CD33: variants seen among roughly 807,000 people sequenced by gnomAD.
The protein encoded by CD33 is CD33 molecule, also known as myeloid cell surface antigen CD33.
CD33 carries 25 observed loss-of-function variants against 31.4 expected under a neutral mutation model. The observed-to-expected ratio is 0.80, with a 90% CI of 0.58 to 1.11. The LOEUF (loss-of-function observed/expected upper bound fraction) is 1.11. Ranked by LOEUF, CD33 falls within the 50% of genes most tolerant of loss-of-function variation. The probability of loss-of-function intolerance (pLI) is 0.00; values close to 1 mark genes in which losing one functional copy is unlikely to be tolerated. For synonymous variants in CD33, 176 were observed against 180.6 expected (o/e 0.97, Z 0.20); for missense variants, 407 against 448.1 (o/e 0.91, Z 0.83).
intron 4 of CD33, among the ~76,000 whole-genome samples, chr19:51,230,789 G>A (rs1362604421): frequency 3.3e-5 from 5 of 152,144 alleles, no homozygotes; most frequent in Non-Finnish European, 7.3e-5. Flanking sequence ...ATATAGCTGT[G>A]TTGGTAGAAG....
chr19:51,212,076 T>G, the CD33 span: 1 of 734,594 alleles, frequency 1.4e-6, no homozygotes, highest in African/African-American at 1.8e-5. Flanking sequence ...CTCCTGTGAG[T>G]GCTGGGCCAG....
At chr19:51,227,836 A>AT (rs1302004637) in intron 4 of CD33, among the ~76,000 whole-genome samples, 5 of 152,040 alleles carry the variant, frequency 3.3e-5, no homozygotes, top group Admixed American at 3.3e-4. Flanking sequence ...TTTTTCTAGT[A>AT]TTTTTTAAAT....
chr19:51,224,727 G>A (rs571790686), upstream of CD33, among the ~76,000 whole-genome samples: 2 of 152,184 alleles, frequency 1.3e-5, no homozygotes, highest in South Asian at 2.1e-4. Flanking sequence ...GTGAGGCTGC[G>A]ACTCGGGCCA....
At chr19:51,211,967 G>T in the CD33 span, 1 of 1,235,718 alleles carries the variant, frequency 8.1e-7, no homozygotes, top group Non-Finnish European at 1.2e-6. Context: ...CAGTGCTCAC[G>T]ATCATCCCAT....
intron 4 of CD33, among the ~76,000 whole-genome samples, chr19:51,233,689 A>T (rs535343209): frequency 1.3e-5 from 2 of 152,322 alleles, no homozygotes; most frequent in South Asian, 2.1e-4. Flanking sequence ...GGACTGTAAG[A>T]TTAACCTGTA....
the CD33 span, among the ~76,000 whole-genome samples, chr19:51,218,512 C>T: frequency 6.6e-6 from 1 of 152,130 alleles, no homozygotes; most frequent in Non-Finnish European, 1.5e-5. Flanking sequence ...TTATGCTATG[C>T]AGAAGCTTTT....
intron 4 of CD33, among the ~76,000 whole-genome samples, chr19:51,231,915 C>T (rs569509380): frequency 1.1e-4 from 17 of 152,200 alleles, no homozygotes; most frequent in Middle Eastern, 3.4e-3. Flanking sequence ...TGTGCCACCA[C>T]GCCCAGCTAA....
intron 4 of CD33, among the ~76,000 whole-genome samples, chr19:51,232,044 G>A (rs1347411774): frequency 1.3e-5 from 2 of 152,162 alleles, no homozygotes; most frequent in Non-Finnish European, 2.9e-5. Flanking sequence ...TTATAGGCAT[G>A]AGCCACACTG....
intron 4 of CD33, among the ~76,000 whole-genome samples, chr19:51,230,329 G>A (rs1025588799): frequency 3.3e-5 from 5 of 151,962 alleles, no homozygotes; most frequent in Non-Finnish European, 7.4e-5. Context: ...GAAACCATGT[G>A]TATTCTGCAG....
chr19:51,223,630 A>C (rs1329623250), upstream of CD33, among the ~76,000 whole-genome samples: 1 of 152,194 alleles, frequency 6.6e-6, no homozygotes, highest in Non-Finnish European at 1.5e-5. Flanking sequence ...TGAGCCTCTA[A>C]AAAAACTTGC....
At position 51,225,890 on chromosome 19, in the gene CD33, G is replaced by A; in HGVS notation, c.506G>A (p.Cys169Tyr). The A allele has an allele frequency of 1.2e-6, 2 of 1,614,038 alleles. No individual in the cohort carries two copies. Among genetic ancestry groups the A allele is most frequent in the South Asian group, 1.1e-5 (1 of 91,076 alleles). The change falls in exon 3 of 7, where the codon TGT becomes TAT. Residue 169 changes from cysteine (C) to tyrosine (Y), a missense_variant. Coordinates refer to ENST00000262262, the MANE Select transcript of CD33 (RefSeq NM_001772.4). ...CTGACCTGCTCTGTGTCCTGGGCCT[G>A]TGAGCAGGGAACACCCCCGATCTTC... The part of the protein sequence containing the change: ...KNLTCSVSWA[C>Y]EQGTPPIFSW...
At chr19:51,214,361 C>T in the CD33 span, among the ~76,000 whole-genome samples, 719 of 151,696 alleles carry the variant, frequency 4.7e-3, 3 homozygotes, top group African/African-American at 0.015. Context: ...GCATGCCCAG[C>T]TATTTTTTGT....
chr19:51,222,543 A>G (rs1387688005), upstream of CD33, among the ~76,000 whole-genome samples: 1 of 152,232 alleles, frequency 6.6e-6, no homozygotes, highest in Non-Finnish European at 1.5e-5. Flanking sequence ...ACAATATCAC[A>G]TTTTGAAATA....
At chr19:51,212,251 C>T in the CD33 span, among the ~76,000 whole-genome samples, 18 of 151,966 alleles carry the variant, frequency 1.2e-4, no homozygotes, top group African/African-American at 4.4e-4. Flanking sequence ...GGAAGGAGTG[C>T]CGCCCTTATC....
chr19:51,235,361 A>G, intron 5 of CD33, 108 bp downstream of exon 5: 3 of 1,253,224 alleles, frequency 2.4e-6, no homozygotes, highest in East Asian at 2.4e-5. Flanking sequence ...AGGGGGTGTG[A>G]TGATGTACAG....
intron 4 of CD33, among the ~76,000 whole-genome samples, chr19:51,229,848 AT>A (rs914887370): frequency 7.3e-5 from 11 of 150,016 alleles, no homozygotes; most frequent in South Asian, 6.3e-4. Flanking sequence ...TTGTTCATTG[AT>A]TTTTTTTTAA....
At chr19:51,215,937 G>A in the CD33 span, among the ~76,000 whole-genome samples, 410 of 152,160 alleles carry the variant, frequency 2.7e-3, no homozygotes, top group African/African-American at 9.4e-3. Context: ...CTGCCTCCTC[G>A]TCCAGTGCCT....
chr19:51,215,714 T>C, the CD33 span, among the ~76,000 whole-genome samples: 1 of 152,208 alleles, frequency 6.6e-6, no homozygotes, highest in Non-Finnish European at 1.5e-5. Flanking sequence ...CAGAACCAGC[T>C]TGTGGGTCTC....
the CD33 span, among the ~76,000 whole-genome samples, chr19:51,213,733 C>A: frequency 6.6e-6 from 1 of 151,726 alleles, no homozygotes; most frequent in Admixed American, 6.6e-5. Context: ...ATAGGGTTTC[C>A]CCATGTTGGC....
Sources: gnomAD v4.1 joint callset for allele counts (sites outside exome capture counted in the v4.1 genomes callset) on GRCh38, gnomAD v4.1.1 for gene constraint, MANE v1.5 for transcripts, NCBI Gene and HGNC (gene_info 2026-07-23, HGNC 2026-07-21) for gene names.